MPP3: variants seen among roughly 807,000 people sequenced by gnomAD.
MPP3 encodes MAGUK p55 subfamily member 3.
In MPP3, 48 loss-of-function variants were observed where a neutral mutation model predicts 80.7. The observed-to-expected ratio is 0.59, with a 90% CI of 0.47 to 0.76. MPP3 has a LOEUF of 0.76. Ranked by LOEUF, MPP3 falls within the 30% of genes least tolerant of loss-of-function variation. The pLI, the probability that MPP3 is intolerant of heterozygous loss-of-function variation, is 0.00. For missense variants in MPP3, 620 were observed against 763.0 expected, an observed-to-expected ratio of 0.81 and a Z score of 2.21; for synonymous variants, 311 against 297.6, an observed-to-expected ratio of 1.04 and a Z score of -0.46.
chr17:43,809,808 G>A (rs1407349345), intron 18 of MPP3, among the ~76,000 whole-genome samples: 1 of 152,152 alleles, frequency 6.6e-6, no homozygotes, highest in Non-Finnish European at 1.5e-5. Context: ...GAACCCGGGA[G>A]GCGGAGCTTG....
intron 7 of MPP3, 103 bp from the exon 8 acceptor site, chr17:43,827,935 G>C: frequency 1.9e-6 from 2 of 1,070,712 alleles, no homozygotes; most frequent in Non-Finnish European, 1.4e-6. Context: ...CCCTCTGACA[G>C]TCCAGAGAGA....
intron 12 of MPP3, 77 bp from the exon 13 acceptor site, chr17:43,816,774 G>A (rs1045145075): frequency 3.2e-5 from 46 of 1,415,748 alleles, no homozygotes; most frequent in Non-Finnish European, 3.8e-5. Context: ...GGCAGCCACG[G>A]CCCGAGTGCC....
In MPP3 at chr17:43,816,716, A is replaced by T; in HGVS notation, c.947-19T>A. ...TGATCATCTGCGGTTTGCACAAAAGACAGATGGAACAGCATTAGTGGAGGG... is the reference window on the plus strand; with the variant it reads ...TGATCATCTGCGGTTTGCACAAAAGTCAGATGGAACAGCATTAGTGGAGGG... On this transcript the variant is annotated intron_variant, in intron 12 of 19. Coordinates refer to ENST00000398389, the MANE Select transcript of MPP3 (RefSeq NM_001932.6). 1 of 1,570,360 alleles carries T rather than the reference A, an allele frequency of 6.4e-7. No individual in the cohort carries two copies. The highest frequency in any genetic ancestry group is 1.2e-5 in the South Asian group (1 of 85,182).
chr17:43,830,238 C>T (rs1162394771), intron 5 of MPP3, 131 bp from the exon 6 acceptor site: 3 of 539,074 alleles, frequency 5.6e-6, no homozygotes, highest in Middle Eastern at 4.7e-4. Context: ...AACCACCCGA[C>T]GACGATGATC....
At chr17:43,815,993 G>A (rs2045106357) in intron 14 of MPP3, 45 bp downstream of exon 14, 2 of 1,458,960 alleles carry the variant, frequency 1.4e-6, no homozygotes, top group South Asian at 2.8e-5. Flanking sequence ...CTGGGGCCTT[G>A]GGTGGGGCAG....
At chr17:43,813,749 A>G (rs2044976214) in intron 16 of MPP3, among the ~76,000 whole-genome samples, 1 of 152,094 alleles carries the variant, frequency 6.6e-6, no homozygotes, top group Non-Finnish European at 1.5e-5. Flanking sequence ...CACTTTGCCT[A>G]CAATGTGCTC....
intron 14 of MPP3, among the ~76,000 whole-genome samples, chr17:43,815,341 GT>G (rs755549648): frequency 3.9e-5 from 6 of 151,910 alleles, no homozygotes; most frequent in Non-Finnish European, 8.8e-5. Context: ...CAAAAAATAA[GT>G]TTAAAAAAAG....
intron 9 of MPP3, among the ~76,000 whole-genome samples, chr17:43,824,301 T>C (rs2045597258): frequency 1.3e-5 from 2 of 152,190 alleles, no homozygotes. Flanking sequence ...AGACTTTCCA[T>C]GAGAACCCAA....
rs377596321 is a variant in MPP3 at position 43,820,833 on chromosome 17, C to A, written c.881+29G>T. ...ACCTGTGCCTCTGCCACTCTGGAAC[C>A]AGCCCTTCACAACATACCCCAGACC... On this transcript the variant is annotated intron_variant, in intron 11 of 19. Coordinates refer to ENST00000398389, the MANE Select transcript of MPP3 (RefSeq NM_001932.6). 38 of 1,609,336 alleles carry A rather than the reference C, an allele frequency of 2.4e-5. No individual in the cohort carries two copies. The African/African-American group carries it at 4.5e-4, about 19-fold the overall frequency.
rs182940849 is a variant in MPP3, at chr17:43,806,501, A to G, written c.1581+2455T>C. ...GCTTTTAACTGGCTATAATACTTCA[A>G]TACATCCTGTAAGTGTCACATAATG... On this transcript the variant is annotated intron_variant, in intron 19 of 19. Transcript: ENST00000398389. 2.5e-3 allele frequency among the ~76,000 whole-genome samples: 378 copies of G among 151,988 alleles called. 1 individual carries two copies. Among genetic ancestry groups the G allele is most frequent in the Middle Eastern group, 6.9e-3 (2 of 290 alleles).
intron 1 of MPP3, 81 bp downstream of exon 1, chr17:43,833,020 G>A (rs1191606551): frequency 8.6e-5 from 13 of 151,500 alleles, no homozygotes; most frequent in African/African-American, 3.1e-4. Flanking sequence ...CGGGAGCACG[G>A]GAGGAGGGTC....
intron 10 of MPP3, 151 bp downstream of exon 10, chr17:43,823,780 T>A: frequency 1.7e-6 from 1 of 577,628 alleles, no homozygotes; most frequent in Non-Finnish European, 3.0e-6. Context: ...GTGACGGAAT[T>A]AAAGTCCTCC....
chr17:43,831,767 C>CAA, intron 3 of MPP3, 90 bp from the exon 4 acceptor site: 1 of 1,427,298 alleles, frequency 7.0e-7, no homozygotes, highest in Non-Finnish European at 9.6e-7. Context: ...AACAGCACTT[C>CAA]AGTCCTGCCG....
At chr17:43,826,007 G>A (rs2045680491) in intron 8 of MPP3, among the ~76,000 whole-genome samples, 166 bp from the exon 9 acceptor site, 1 of 152,210 alleles carries the variant, frequency 6.6e-6, no homozygotes, top group Admixed American at 6.5e-5. Flanking sequence ...GCTAAGTGCT[G>A]GGCACCTCAC....
chr17:43,804,754 C>T (rs1478887397), intron 19 of MPP3, among the ~76,000 whole-genome samples: 3 of 152,150 alleles, frequency 2.0e-5, no homozygotes, highest in South Asian at 2.1e-4. Context: ...AAGGACCAGG[C>T]GTGGTGCCTC....
In MPP3 at chr17:43,830,081, G is replaced by A. The variant is rs369312340; in HGVS notation, c.249C>T (p.Ser83=). 2.6e-4 allele frequency: 405 copies of A among 1,557,352 alleles called. No individual in the cohort carries two copies. Among genetic ancestry groups the A allele is most frequent in the Middle Eastern group, 3.5e-4 (2 of 5,794 alleles). ...GCAGCTCCCTCTCATCACTGTGCACGGAGGCGGCCTGCAACTCCTCCATCA... is the reference window on the plus strand; with the variant it reads ...GCAGCTCCCTCTCATCACTGTGCACAGAGGCGGCCTGCAACTCCTCCATCA... The part of the protein sequence containing the change: ...EDVMEELQAA[S]VHSDERELLQ... Residue 83 remains serine (S), a synonymous_variant, in exon 6 of 20, where the codon TCC becomes TCT. Transcript: ENST00000398389.
chr17:43,817,986 ATCC>A, intron 12 of MPP3, 57 bp downstream of exon 12: 1 of 1,477,692 alleles, frequency 6.8e-7, no homozygotes, highest in Non-Finnish European at 9.2e-7. Context: ...CCCAGCCTGA[ATCC>A]TCCCTCGCCC....
intron 14 of MPP3, 38 bp downstream of exon 14, chr17:43,816,000 G>A (rs1194932381): frequency 6.1e-6 from 9 of 1,466,340 alleles, no homozygotes; most frequent in East Asian, 2.7e-5. Context: ...CTTGGGTGGG[G>A]CAGGTCGTGC....
intron 9 of MPP3, 85 bp from the exon 10 acceptor site, chr17:43,824,090 G>A (rs183499072): frequency 1.0e-6 from 1 of 976,226 alleles, no homozygotes; most frequent in Middle Eastern, 2.1e-4. Context: ...CCTAAAAACT[G>A]ATGTTCAGAA....
Sources: allele counts gnomAD v4.1 joint callset (sites outside exome capture counted in the v4.1 genomes callset), GRCh38; gene constraint gnomAD v4.1.1; transcripts MANE v1.5; gene names NCBI Gene and HGNC (gene_info 2026-07-23, HGNC 2026-07-21).